CNOT3: variants seen among roughly 807,000 people sequenced by gnomAD.
CNOT3 encodes the protein CCR4-NOT transcription complex subunit 3.
Under a neutral mutation model 89.4 loss-of-function variants are expected in CNOT3, and 2 were observed. That is an observed-to-expected ratio of 0.02 (90% confidence interval 0.01 to 0.07). The LOEUF is 0.07. Ranked by LOEUF, CNOT3 falls within the 10% of genes least tolerant of loss-of-function variation. The probability of loss-of-function intolerance (pLI) is 1.00; values close to 1 mark genes in which losing one functional copy is unlikely to be tolerated. For synonymous variants in CNOT3, 486 were observed against 402.0 expected, an observed-to-expected ratio of 1.21 and a Z score of -2.50; for missense variants, 664 against 1,010.2, an observed-to-expected ratio of 0.66 and a Z score of 4.65.
At chr19:54,152,387 T>C (rs1484673499) in intron 14 of CNOT3, 41 bp from the exon 15 acceptor site, 2 of 1,613,710 alleles carry the variant, frequency 1.2e-6, no homozygotes, top group African/African-American at 1.3e-5. Context: ...CCCTGACCCA[T>C]CCTCACCACT....
chr19:54,139,746 T>C (rs2074373335), intron 1 of CNOT3, among the ~76,000 whole-genome samples: 1 of 152,090 alleles, frequency 6.6e-6, no homozygotes, highest in Admixed American at 6.5e-5. Context: ...GGATGTAAGA[T>C]ACCTGAGTCT....
At position 54,155,412 on chromosome 19, in the gene CNOT3, G is replaced by A. The variant is rs201836403; in HGVS notation, c.*5G>A. ...GAGGACCGGGACCTCCAGTGACACC[G>A]GCCCCTCCCTCTACCCACCCCCTTC... On this transcript the variant is annotated 3_prime_UTR_variant, in exon 18 of 18. Transcript: ENST00000221232. 243 of 1,578,442 alleles carry A rather than the reference G, an allele frequency of 1.5e-4. No individual in the cohort carries two copies. The African/African-American group carries it at 2.6e-3, about 17-fold the overall frequency.
chr19:54,148,837 C>A lies in CNOT3; in HGVS notation c.1406+94C>A. The A allele has an allele frequency of 8.7e-7, 1 of 1,151,550 alleles. No homozygotes were observed. The highest frequency in any genetic ancestry group is 1.6e-5 in the African/African-American group (1 of 64,414). The allele number at this position is 1,151,550 out of a possible 1,614,324, so 71.3% of individuals were successfully genotyped here. A position where few individuals can be genotyped will look rare whatever the true frequency, so the allele number is the denominator to read the frequency against. ...CCCCCGCATCGGTGGGTTCTGAACC[C>A]CCCGCCCTTGCTGCTGGGAATGGCC... On this transcript the variant is annotated intron_variant, in intron 12 of 17. Transcript: ENST00000221232. The surrounding 1 kb of genome is among the most constrained non-coding windows in gnomAD (Gnocchi z 6.3).
chr19:54,138,229 G>C (rs1297230332), intron 1 of CNOT3, among the ~76,000 whole-genome samples: 1 of 151,240 alleles, frequency 6.6e-6, no homozygotes, highest in Non-Finnish European at 1.5e-5. Flanking sequence ...CCTCCCGGGG[G>C]TCCTTCCGCG....
chr19:54,142,628 A>G (rs2074498025), intron 1 of CNOT3: 3 of 472,142 alleles, frequency 6.4e-6, no homozygotes, highest in Non-Finnish European at 7.8e-6. Context: ...AACCTTTTTG[A>G]GTGTATTCTG....
chr19:54,155,380 C>A lies in CNOT3; in HGVS notation c.2235C>A (p.Arg745=). Residue 745 remains arginine, a synonymous_variant, in exon 18 of 18, where the codon CGC becomes CGA. Transcript: ENST00000221232. ...RKKEGFTFEY[R]YLEDRDLQ ...AGGAAGGCTTCACCTTTGAGTACCG[C>A]TACCTGGAGGACCGGGACCTCCAGT... The A allele has an allele frequency of 1.2e-6, 2 of 1,611,476 alleles. No individual in the cohort carries two copies. Among genetic ancestry groups the A allele is most frequent in the Non-Finnish European group, 1.7e-6 (2 of 1,178,308 alleles).
At chr19:54,142,453 C>CACACACACACACACACACACACACCCA in intron 1 of CNOT3, 1 of 221,634 alleles carries the variant, frequency 4.5e-6, no homozygotes, top group Admixed American at 5.2e-5. Context: ...CACACACACG[C>CACACACACACACACACACACACACCCA]CCTTCTCTGT....
At chr19:54,146,185 C>T (rs1303238635) in intron 9 of CNOT3, 142 bp downstream of exon 9, 1 of 888,922 alleles carries the variant, frequency 1.1e-6, no homozygotes. Flanking sequence ...GCTCTTGGAG[C>T]ACACGCTAAG....
At chr19:54,151,081 G>A (rs1263943152) in intron 13 of CNOT3, among the ~76,000 whole-genome samples, 2 of 152,144 alleles carry the variant, frequency 1.3e-5, no homozygotes, top group Non-Finnish European at 2.9e-5. Flanking sequence ...GTGAGCCACC[G>A]TGCCCGGCCC....
chr19:54,149,853 T>C, intron 13 of CNOT3, 95 bp downstream of exon 13: 2 of 1,176,728 alleles, frequency 1.7e-6, no homozygotes, highest in Non-Finnish European at 2.2e-6. Flanking sequence ...CCACCCTCTT[T>C]CTGGATCTCT....
At position 54,146,468 on chromosome 19, in the gene CNOT3, C is replaced by T. The variant is rs587610120; in HGVS notation, c.838-133C>T. The T allele has an allele frequency of 1.7e-4, 123 of 708,008 alleles. 1 individual carries two copies. In the South Asian group the frequency reaches 1.9e-3, roughly 11 times the overall value. 43.9% of individuals were successfully genotyped at this position (708,008 alleles called of 1,614,324 possible). On this transcript the variant is annotated intron_variant, in intron 9 of 17. Transcript: ENST00000221232. ...ATGGTTTCTCCAGGCAGATTAAGGACAGCCATTTGACCAGCTCTGGGGCCG... is the reference window on the plus strand; with the variant it reads ...ATGGTTTCTCCAGGCAGATTAAGGATAGCCATTTGACCAGCTCTGGGGCCG...
At chr19:54,146,383 G>A (rs147145508) in intron 9 of CNOT3, among the ~76,000 whole-genome samples, 1 of 152,306 alleles carries the variant, frequency 6.6e-6, no homozygotes, top group African/African-American at 2.4e-5. Context: ...AGATCCTTAA[G>A]AGGCTGGTGG....
At position 54,148,821 on chromosome 19, in the gene CNOT3, C is replaced by T. The variant is rs928928974; in HGVS notation, c.1406+78C>T. On this transcript the variant is annotated intron_variant, in intron 12 of 17. Transcript: ENST00000221232. The surrounding 1 kb of genome is among the most constrained non-coding windows in gnomAD (Gnocchi z 6.3). ...AGGCGCAGGCGCCTCACCCCCGCAT[C>T]GGTGGGTTCTGAACCCCCCGCCCTT... is the stretch of plus-strand genomic sequence containing the variant. The T allele has an allele frequency of 2.8e-5, 41 of 1,450,490 alleles. 1 individual carries two copies. Among genetic ancestry groups the T allele is most frequent in the South Asian group, 1.4e-4 (11 of 77,108 alleles). 89.9% of individuals were successfully genotyped at this position (1,450,490 alleles called of 1,614,324 possible).
Position 54,145,180 on chromosome 19 carries a change from A to G in CNOT3, c.484-418A>G, listed in dbSNP as rs1212947927. Among the ~76,000 whole-genome samples, 1 of 152,106 alleles carries G rather than the reference A, an allele frequency of 6.6e-6. No individual in the cohort carries two copies. On this transcript the variant is annotated intron_variant, in intron 7 of 17. Coordinates refer to ENST00000221232, the MANE Select transcript of CNOT3 (RefSeq NM_014516.4). The surrounding 1 kb of genome is among the most constrained non-coding windows in gnomAD (Gnocchi z 5.9). Reference sequence around the variant, plus strand: ...AATTCTAAACAGCAAGCTCCTCACAAATGGGGGTTATCATTGTTACTGCTG... The same window carrying G: ...AATTCTAAACAGCAAGCTCCTCACAGATGGGGGTTATCATTGTTACTGCTG...
intron 1 of CNOT3, among the ~76,000 whole-genome samples, chr19:54,139,801 C>G (rs1371748536): frequency 6.6e-6 from 1 of 152,102 alleles, no homozygotes; most frequent in African/African-American, 2.4e-5. Context: ...GGACCAGAGA[C>G]TTCTCTGGTG....
chr19:54,143,368 TA>T, intron 3 of CNOT3, 73 bp from the exon 4 acceptor site: 1 of 1,488,546 alleles, frequency 6.7e-7, no homozygotes, highest in Non-Finnish European at 9.4e-7. Context: ...GTCCCTAGCA[TA>T]AGGAAGAATC....
At chr19:54,138,636 G>C (rs929979661) in intron 1 of CNOT3, among the ~76,000 whole-genome samples, 5 of 152,240 alleles carry the variant, frequency 3.3e-5, no homozygotes, top group Admixed American at 3.3e-4. Context: ...TCAGGTTCCA[G>C]CTGCCCGTCT....
At chr19:54,138,330 G>A (rs2074303184) in intron 1 of CNOT3, among the ~76,000 whole-genome samples, 1 of 152,168 alleles carries the variant, frequency 6.6e-6, no homozygotes, top group Admixed American at 6.5e-5. Context: ...AAGCCTCCCG[G>A]GCGCGAGGTG....
At chr19:54,147,234 G>A (rs1408233703) in intron 10 of CNOT3, among the ~76,000 whole-genome samples, 3 of 152,250 alleles carry the variant, frequency 2.0e-5, no homozygotes, top group Non-Finnish European at 2.9e-5. Context: ...GCACGCTTTC[G>A]GAAACGCTGC....
Sources: allele counts gnomAD v4.1 joint callset (sites outside exome capture counted in the v4.1 genomes callset), GRCh38; gene constraint gnomAD v4.1.1; non-coding constraint Gnocchi (gnomAD v3.1); transcripts MANE v1.5; gene names NCBI Gene and HGNC (gene_info 2026-07-23, HGNC 2026-07-21).